SLC49A4: variants seen among roughly 807,000 people sequenced by gnomAD.
SLC49A4 encodes solute carrier family 49 member 4, also known as disrupted in renal cancer protein 2.
In SLC49A4, 36 loss-of-function variants were observed where a neutral mutation model predicts 50.6. That is an observed-to-expected ratio of 0.71 (90% CI 0.55 to 0.94). SLC49A4 has a LOEUF of 0.94. Ranked by LOEUF, SLC49A4 falls within the 40% of genes least tolerant of loss-of-function variation. The probability of loss-of-function intolerance (pLI) is 0.00; values close to 1 mark genes in which losing one functional copy is unlikely to be tolerated. For synonymous variants in SLC49A4, 248 were observed against 241.2 expected, an observed-to-expected ratio of 1.03 and a Z score of -0.26; for missense variants, 503 against 605.7, an observed-to-expected ratio of 0.83 and a Z score of 1.78.
chr3:122,795,573 CTCCGGGAG>C (rs751921582), intron 1 of SLC49A4, 38 bp downstream of exon 1: 1 of 1,557,530 alleles, frequency 6.4e-7, no homozygotes, highest in Non-Finnish European at 8.6e-7. Flanking sequence ...GCTGTCTCTC[CTCCGGGAG>C]CAGGCGCCTG....
At chr3:122,797,714 C>G (rs1936067133) in intron 1 of SLC49A4, among the ~76,000 whole-genome samples, 1 of 152,138 alleles carries the variant, frequency 6.6e-6, no homozygotes, top group Non-Finnish European at 1.5e-5. Context: ...GGCTCAGTGG[C>G]TCATGTTTGT....
chr3:122,814,764 G>GGC (rs1936341615), intron 2 of SLC49A4, among the ~76,000 whole-genome samples: 1 of 151,914 alleles, frequency 6.6e-6, no homozygotes, highest in African/African-American at 2.4e-5. Context: ...TTTTTTGTGT[G>GGC]ACATTTTTTT....
At chr3:122,840,057 T>TA (rs980936231) in intron 4 of SLC49A4, among the ~76,000 whole-genome samples, 1 of 152,166 alleles carries the variant, frequency 6.6e-6, no homozygotes, top group Non-Finnish European at 1.5e-5. Context: ...TACTCAGCCG[T>TA]AAAAAAAGAA....
chr3:122,837,015 G>A (rs2107569883), intron 4 of SLC49A4, among the ~76,000 whole-genome samples: 2 of 152,220 alleles, frequency 1.3e-5, no homozygotes, highest in East Asian at 3.9e-4. Flanking sequence ...GGATGTGAAG[G>A]ACCTCTTCAA....
rs181461333 is a variant in SLC49A4 at position 122,854,351 on chromosome 3, A to G, written c.943-1956A>G. 2.6e-4 allele frequency among the ~76,000 whole-genome samples: 40 copies of G among 152,386 alleles called. 1 individual carries two copies. Among genetic ancestry groups the G allele is most frequent in the Non-Finnish European group, 4.9e-4 (33 of 68,036 alleles). On this transcript the variant is annotated intron_variant, in intron 5 of 8. Coordinates refer to ENST00000261038, the MANE Select transcript of SLC49A4 (RefSeq NM_032839.3). ...GCTTAGAATAGGCTATGCTCCTGGG[A>G]GAAGTAGACCTCCAAAATTCTGAGA...
At chr3:122,838,013 A>G (rs1303821672) in intron 4 of SLC49A4, among the ~76,000 whole-genome samples, 39 of 152,072 alleles carry the variant, frequency 2.6e-4, no homozygotes, top group African/African-American at 8.9e-4. Flanking sequence ...ATGAGATACC[A>G]TCTCACACCA....
intron 8 of SLC49A4, among the ~76,000 whole-genome samples, chr3:122,877,918 A>G (rs1026576637): frequency 6.6e-6 from 1 of 152,218 alleles, no homozygotes; most frequent in Non-Finnish European, 1.5e-5. Flanking sequence ...AGCTTTGCAT[A>G]AAAATACCAT....
At chr3:122,823,872 A>C (rs1936485930) in intron 2 of SLC49A4, among the ~76,000 whole-genome samples, 1 of 152,224 alleles carries the variant, frequency 6.6e-6, no homozygotes, top group Admixed American at 6.5e-5. Context: ...AGTGTCAGGC[A>C]AACATGACAA....
At chr3:122,797,745 C>T (rs1476247888) in intron 1 of SLC49A4, among the ~76,000 whole-genome samples, 1 of 152,160 alleles carries the variant, frequency 6.6e-6, no homozygotes, top group Non-Finnish European at 1.5e-5. Context: ...CTTTGGGAGG[C>T]TGAGGCGGGT....
chr3:122,835,792 T>G (rs1480420488), intron 4 of SLC49A4, among the ~76,000 whole-genome samples: 1 of 152,146 alleles, frequency 6.6e-6, no homozygotes, highest in East Asian at 1.9e-4. Flanking sequence ...GCATCCAAAT[T>G]GGAAAAAGAG....
At position 122,795,426 on chromosome 3, in the gene SLC49A4, G is replaced by T. The variant is rs745502253; in HGVS notation, c.234G>T (p.Ser78=). The change falls in exon 1 of 9, where the codon TCG becomes TCT. Residue 78 remains serine (S), a synonymous_variant. Coordinates refer to ENST00000261038, the MANE Select transcript of SLC49A4 (RefSeq NM_032839.3). ...VWNTWGPIQN[S]ARQAYGFSSW... ...ACACCTGGGGTCCCATCCAGAACTC[G>T]GCGCGCCAGGCCTACGGCTTCTCCA... 6.2e-7 allele frequency: 1 copy of T among 1,607,816 alleles called. No individual in the cohort carries two copies. Among genetic ancestry groups the T allele is most frequent in the Non-Finnish European group, 8.5e-7 (1 of 1,178,950 alleles).
chr3:122,870,344 T>C (rs1221143031), intron 7 of SLC49A4, among the ~76,000 whole-genome samples: 1 of 151,588 alleles, frequency 6.6e-6, no homozygotes, highest in Non-Finnish European at 1.5e-5. Context: ...GACTGATCAA[T>C]AAATTTTTAT....
Position 122,860,119 on chromosome 3 carries a change from T to C in SLC49A4, c.1055T>C (p.Leu352Pro), listed in dbSNP as rs1294384521. 2 of 1,613,314 alleles carry C rather than the reference T, an allele frequency of 1.2e-6. No homozygotes were observed. The highest frequency in any genetic ancestry group is 1.7e-5 in the Admixed American group (1 of 59,902). ...IRGMLKLILL[L>P]LFSGATLSST... is the part of the protein sequence containing the mutation. Reference sequence around the variant, plus strand: ...GGTATGCTGAAACTAATTCTTCTCCTCCTGTTTTCGGGAGCTACACTGTCA... The same window carrying C: ...GGTATGCTGAAACTAATTCTTCTCCCCCTGTTTTCGGGAGCTACACTGTCA... The change falls in exon 7 of 9, where the codon CTC (leucine) becomes CCC (proline). Residue 352 changes from leucine (L) to proline (P), a missense_variant. Transcript: ENST00000261038.
chr3:122,834,970 G>T (rs555798170), intron 4 of SLC49A4, among the ~76,000 whole-genome samples: 1,848 of 152,106 alleles, frequency 0.012, 40 homozygotes, highest in African/African-American at 0.04. Context: ...ATAAACTTCT[G>T]GAAACATACA....
intron 1 of SLC49A4, among the ~76,000 whole-genome samples, chr3:122,802,016 G>T (rs569700222): frequency 6.6e-6 from 1 of 151,896 alleles, no homozygotes; most frequent in African/African-American, 2.4e-5. Flanking sequence ...AAAATATATG[G>T]AACTAAATAA....
At chr3:122,840,504 A>C (rs1201129235) in intron 4 of SLC49A4, among the ~76,000 whole-genome samples, 1 of 152,210 alleles carries the variant, frequency 6.6e-6, no homozygotes, top group East Asian at 1.9e-4. Context: ...AAAATTAATA[A>C]GTAAAATTAG....
intron 1 of SLC49A4, among the ~76,000 whole-genome samples, chr3:122,806,202 T>C (rs1936215527): frequency 6.6e-6 from 1 of 152,160 alleles, no homozygotes; most frequent in Non-Finnish European, 1.5e-5. Flanking sequence ...ATTTTTCTAT[T>C]AGAGATATAA....
intron 6 of SLC49A4, among the ~76,000 whole-genome samples, chr3:122,858,411 G>A (rs940112235): frequency 3.9e-5 from 6 of 152,132 alleles, no homozygotes; most frequent in African/African-American, 4.8e-5. Context: ...TTAGGTAAGC[G>A]TGGGATTAAA....
At chr3:122,845,011 C>T (rs1936828996) in intron 4 of SLC49A4, among the ~76,000 whole-genome samples, 1 of 152,092 alleles carries the variant, frequency 6.6e-6, no homozygotes, top group East Asian at 1.9e-4. Flanking sequence ...AGATTTGTTA[C>T]ATGGGTAAAT....
Sources: gnomAD v4.1 joint callset for allele counts (sites outside exome capture counted in the v4.1 genomes callset) on GRCh38, gnomAD v4.1.1 for gene constraint, MANE v1.5 for transcripts, NCBI Gene and HGNC (gene_info 2026-07-23, HGNC 2026-07-21) for gene names.